Variants in SCNN1G observed in about 807,000 individuals in gnomAD.
SCNN1G encodes sodium channel epithelial 1 subunit gamma.
A neutral mutation model predicts 64.6 loss-of-function variants in SCNN1G; 27 were observed. The observed-to-expected ratio is 0.42, with a 90% CI of 0.31 to 0.58. SCNN1G has a LOEUF of 0.58. SCNN1G is among the 20% of genes least tolerant of loss of function. The pLI is 0.18. For synonymous variants in SCNN1G, 330 were observed against 314.2 expected (o/e 1.05, Z -0.53); for missense variants, 743 against 823.4 (o/e 0.90, Z 1.19).
At chr16:23,188,615 T>G (rs1237883790) in intron 2 of SCNN1G, among the ~76,000 whole-genome samples, 2 of 152,190 alleles carry the variant, frequency 1.3e-5, no homozygotes, top group Non-Finnish European at 2.9e-5. Context: ...AAATCCCGTT[T>G]TACAAAGGAG....
rs1212410381 is a variant in SCNN1G at position 23,212,913 on chromosome 16, C to A, written c.1431+19C>A. 6.2e-7 allele frequency: 1 copy of A among 1,612,480 alleles called. No homozygotes were observed. Among genetic ancestry groups the A allele is most frequent in the East Asian group, 2.2e-5 (1 of 44,874 alleles). On this transcript the variant is annotated intron_variant, in intron 10 of 12. Coordinates refer to ENST00000300061, the MANE Select transcript of SCNN1G (RefSeq NM_001039.4). ...TTCGGAGGTAAGTTCTTCTGCCCAC[C>A]CTTCCCCACTGAAGCCCCCAGCCTG...
chr16:23,204,314 TATATATATATATATATATATAGAGAGAG>T (rs1567267063), intron 6 of SCNN1G, among the ~76,000 whole-genome samples: 2 of 81,742 alleles, frequency 2.4e-5, no homozygotes, highest in African/African-American at 4.5e-5. Context: ...TATATATATA[TATATATATATATATATATATAGAGAGAG>T]AGAGAGAGAG....
At position 23,197,337 on chromosome 16, in the gene SCNN1G, G is replaced by A; in HGVS notation, c.987G>A (p.Val329=). The change falls in exon 6 of 13, where the codon GTG becomes GTA. Residue 329 remains valine, a synonymous_variant. Coordinates refer to ENST00000300061, the MANE Select transcript of SCNN1G (RefSeq NM_001039.4). Reference sequence around the variant, plus strand: ...TCGTGTCCTCCACTGGAGCTAAGGTGATCATCCATCGGCAGGATGAGTATC... The same window carrying A: ...TCGTGTCCTCCACTGGAGCTAAGGTAATCATCCATCGGCAGGATGAGTATC... ...PFLVSSTGAK[V]IIHRQDEYPF... is the part of the protein sequence containing the mutation. 1.2e-6 allele frequency: 2 copies of A among 1,613,634 alleles called. No homozygotes were observed. The highest frequency in any genetic ancestry group is 1.7e-6 in the Non-Finnish European group (2 of 1,179,518).
rs761872577 is a variant in SCNN1G, at chr16:23,212,101, C to T, written c.1244C>T (p.Pro415Leu). 5.0e-6 allele frequency: 8 copies of T among 1,613,972 alleles called. No individual in the cohort carries two copies. In the African/African-American group the frequency reaches 9.3e-5, roughly 19 times the overall value. Reference sequence around the variant, plus strand: ...TGTGGGTGTGCCCAGTACAGCCAGCCTCTACCTCCTGCAGCCAACTACTGC... The same window carrying T: ...TGTGGGTGTGCCCAGTACAGCCAGCTTCTACCTCCTGCAGCCAACTACTGC... ...EKCGCAQYSQ[P>L]LPPAANYCNY... is the part of the protein sequence containing the mutation. The change falls in exon 8 of 13, where the codon CCT becomes CTT. Residue 415 changes from proline to leucine, a missense_variant. Pro to Leu is a moderately conservative substitution (Grantham distance 98, BLOSUM62 -3). Transcript: ENST00000300061.
chr16:23,211,773 C>G (rs1960082665), intron 7 of SCNN1G, among the ~76,000 whole-genome samples: 1 of 152,162 alleles, frequency 6.6e-6, no homozygotes, highest in African/African-American at 2.4e-5. Flanking sequence ...GATCATGCCA[C>G]TGCACTCCAG....
chr16:23,203,554 A>G (rs1226099292), intron 6 of SCNN1G, among the ~76,000 whole-genome samples: 1 of 151,814 alleles, frequency 6.6e-6, no homozygotes, highest in Non-Finnish European at 1.5e-5. Flanking sequence ...GCAGATCACG[A>G]GGTCAGGAGA....
In SCNN1G at chr16:23,212,103, C is replaced by T; in HGVS notation, c.1246C>T (p.Leu416=). The T allele has an allele frequency of 6.2e-7, 1 of 1,614,088 alleles. No individual in the cohort carries two copies. Among genetic ancestry groups the T allele is most frequent in the Non-Finnish European group, 8.5e-7 (1 of 1,179,970 alleles). ...TGGGTGTGCCCAGTACAGCCAGCCT[C>T]TACCTCCTGCAGCCAACTACTGCAA... ...KCGCAQYSQP[L]PPAANYCNYQ... The change falls in exon 8 of 13, where the codon CTA becomes TTA. Residue 416 remains leucine (L), a synonymous_variant. Transcript: ENST00000300061.
chr16:23,200,949 C>T (rs1203361536), intron 6 of SCNN1G, among the ~76,000 whole-genome samples: 1 of 152,186 alleles, frequency 6.6e-6, no homozygotes, highest in Non-Finnish European at 1.5e-5. Flanking sequence ...TTTCTGGGCC[C>T]CCAGATGCTC....
chr16:23,211,303 T>A (rs11643449), intron 7 of SCNN1G, among the ~76,000 whole-genome samples: 3 of 152,256 alleles, frequency 2.0e-5, no homozygotes, highest in Admixed American at 6.5e-5. Flanking sequence ...ATAAGCTCCA[T>A]GGATATTGTG....
At position 23,192,432 on chromosome 16, in the gene SCNN1G, C is replaced by T. The variant is rs192839222; in HGVS notation, c.699C>T (p.His233=). The T allele has an allele frequency of 9.9e-5, 159 of 1,613,830 alleles. No homozygotes were observed. The Admixed American group carries it at 2.6e-3, about 27-fold the overall frequency. ...CCATTCAGGAGTGGTATAAGCTACA[C>T]TACATGAACATCATGGCACAGGTGC... ...INAIQEWYKL[H]YMNIMAQVPL... The change falls in exon 4 of 13, where the codon CAC becomes CAT. Residue 233 remains histidine (H), a synonymous_variant. Coordinates refer to ENST00000300061, the MANE Select transcript of SCNN1G (RefSeq NM_001039.4).
Position 23,189,472 on chromosome 16 carries a change from C to G in SCNN1G, c.419C>G (p.Ala140Gly), listed in dbSNP as rs370762301. The G allele has an allele frequency of 1.2e-5, 20 of 1,614,148 alleles. No homozygotes were observed. Among genetic ancestry groups the G allele is most frequent in the Non-Finnish European group, 1.7e-5 (20 of 1,180,006 alleles). ...GFPESRKRRE[A>G]ESWNSVSEGK... ...CCAGAGTCCCGGAAGCGCCGAGAGGCGGAGTCCTGGAACTCCGTCTCAGAG... is the reference window on the plus strand; with the variant it reads ...CCAGAGTCCCGGAAGCGCCGAGAGGGGGAGTCCTGGAACTCCGTCTCAGAG... The change falls in exon 3 of 13, where the codon GCG (alanine) becomes GGG (glycine). Residue 140 changes from alanine to glycine, a missense_variant. Coordinates refer to ENST00000300061, the MANE Select transcript of SCNN1G (RefSeq NM_001039.4).
chr16:23,213,851 A>T (rs1194787646), intron 11 of SCNN1G, among the ~76,000 whole-genome samples: 1 of 152,216 alleles, frequency 6.6e-6, no homozygotes, highest in East Asian at 1.9e-4. Flanking sequence ...GACTTTGACC[A>T]AGCAATTGCA....
Position 23,189,480 on chromosome 16 carries a change from T to A in SCNN1G, c.427T>A (p.Trp143Arg), listed in dbSNP as rs1959669334. The A allele has an allele frequency of 4.3e-6, 7 of 1,614,200 alleles. No homozygotes were observed. The highest frequency in any genetic ancestry group is 5.9e-6 in the Non-Finnish European group (7 of 1,180,012). Residue 143 changes from tryptophan (W) to arginine (R), a missense_variant, in exon 3 of 13, where the codon TGG (tryptophan) becomes AGG (arginine). Trp to Arg is a moderately radical substitution (Grantham distance 101). Transcript: ENST00000300061. ...ESRKRREAES[W>R]NSVSEGKQPR... The stretch of plus-strand genomic sequence containing the variant: ...CCGGAAGCGCCGAGAGGCGGAGTCC[T>A]GGAACTCCGTCTCAGAGGGAAAGCA...
At chr16:23,184,907 A>T (rs1203025325) in intron 1 of SCNN1G, among the ~76,000 whole-genome samples, 1 of 152,198 alleles carries the variant, frequency 6.6e-6, no homozygotes, top group Non-Finnish European at 1.5e-5. Flanking sequence ...GCATAGGACG[A>T]CACAGTTTTC....
In SCNN1G at chr16:23,212,841, AAAG is replaced by A; in HGVS notation, c.1380_1382del (p.Glu461del). The A allele has an allele frequency of 6.2e-7, 1 of 1,614,180 alleles. No individual in the cohort carries two copies. The highest frequency in any genetic ancestry group is 1.3e-5 in the African/African-American group (1 of 75,046). On this transcript the variant is annotated inframe_deletion, in exon 10 of 13. Transcript: ENST00000300061. ...TGCTGTCCCCTCCTCCCTTAGCTTT[AAAG>A]AGTGGACACTAACCACAAGCCTGGC...
intron 3 of SCNN1G, among the ~76,000 whole-genome samples, chr16:23,190,102 G>A (rs866684702): frequency 6.6e-6 from 1 of 151,882 alleles, no homozygotes. Context: ...GGCAAACGGA[G>A]GGAGAGCATT....
intron 4 of SCNN1G, among the ~76,000 whole-genome samples, chr16:23,193,081 A>C (rs1170545086): frequency 1.3e-5 from 2 of 150,726 alleles, no homozygotes; most frequent in Non-Finnish European, 3.0e-5. Context: ...AAAAAAAAAA[A>C]AAAAAAAAAA....
rs757595333 is a variant in SCNN1G, at chr16:23,212,704, G to A, written c.1321G>A (p.Ala441Thr). Residue 441 changes from alanine to threonine, a missense_variant, in exon 9 of 13, where the codon GCC becomes ACC. Ala to Thr is a moderately conservative substitution (Grantham distance 58). Coordinates refer to ENST00000300061, the MANE Select transcript of SCNN1G (RefSeq NM_001039.4). The stretch of plus-strand genomic sequence containing the variant: ...GTATTGTTACTACCAACTGCATCGA[G>A]CCTTTGTCCAGGAAGAGCTGGGCTG... Reference protein sequence around the residue: ...WMYCYYQLHRAFVQEELGCQS... With the variant: ...WMYCYYQLHRTFVQEELGCQS... 1.2e-6 allele frequency: 2 copies of A among 1,614,158 alleles called. No homozygotes were observed. Among genetic ancestry groups the A allele is most frequent in the Non-Finnish European group, 1.7e-6 (2 of 1,180,002 alleles).
chr16:23,186,955 C>T (rs140024019), intron 2 of SCNN1G, among the ~76,000 whole-genome samples: 22 of 152,140 alleles, frequency 1.4e-4, no homozygotes, highest in African/African-American at 4.8e-4. Flanking sequence ...TGTACCACAG[C>T]GCCAGGCTAA....
Sources: allele counts gnomAD v4.1 joint callset (sites outside exome capture counted in the v4.1 genomes callset), GRCh38; gene constraint gnomAD v4.1.1; transcripts MANE v1.5; gene names NCBI Gene and HGNC (gene_info 2026-07-23, HGNC 2026-07-21).